The following CLDN16 variants were observed in gnomAD, a reference collection of about 807,000 sequenced individuals.
The protein encoded by CLDN16 is claudin 16.
CLDN16 carries 13 observed loss-of-function variants against 24.6 expected under a neutral mutation model. The ratio of observed to expected loss-of-function variants is 0.53; its 90% CI spans 0.34 to 0.84. The LOEUF (loss-of-function observed/expected upper bound fraction) is 0.84, where lower values mean the gene tolerates loss of function less well. Among genes scored for constraint, CLDN16 ranks in the 40% least tolerant of loss-of-function variants. The pLI, the probability that CLDN16 is intolerant of heterozygous loss-of-function variation, is 0.01. For missense variants in CLDN16, 298 were observed against 292.7 expected (o/e 1.02, Z -0.13); for synonymous variants, 116 against 106.7 (o/e 1.09, Z -0.54).
At chr3:190,375,577 G>A (rs764438326) in intron 3 of CLDN16, among the ~76,000 whole-genome samples, 6 of 151,936 alleles carry the variant, frequency 3.9e-5, no homozygotes, top group Non-Finnish European at 8.8e-5. Flanking sequence ...AAAACAGGTT[G>A]TTATGGTACT....
chr3:190,410,052 G>C lies in CLDN16; in HGVS notation c.*16G>C. 3.1e-6 allele frequency: 5 copies of C among 1,613,928 alleles called. No individual in the cohort carries two copies. The highest frequency in any genetic ancestry group is 4.2e-6 in the Non-Finnish European group (5 of 1,179,916). ...AAGGGTGTAAAATGCACGTTTCAGG[G>C]TGTGTTTGCATATGATTTAATCAAT... On this transcript the variant is annotated 3_prime_UTR_variant, in exon 5 of 5. Coordinates refer to ENST00000264734, the MANE Select transcript of CLDN16 (RefSeq NM_006580.4).
chr3:190,380,240 C>CCCTTCCTT (rs1553806970), intron 3 of CLDN16, among the ~76,000 whole-genome samples: 1,084 of 47,890 alleles, frequency 0.023, 320 homozygotes, highest in African/African-American at 0.095. Flanking sequence ...TTCCTTCCCT[C>CCCTTCCTT]CCTTCCTTCC....
At chr3:190,399,024 A>G (rs1468733125) in intron 1 of CLDN16, among the ~76,000 whole-genome samples, 1 of 152,166 alleles carries the variant, frequency 6.6e-6, no homozygotes, top group African/African-American at 2.4e-5. Context: ...ACAGGATGAG[A>G]TAATCCTCCA....
At chr3:190,380,669 G>T (rs1263672640) in intron 3 of CLDN16, among the ~76,000 whole-genome samples, 1 of 151,978 alleles carries the variant, frequency 6.6e-6, no homozygotes, top group African/African-American at 2.4e-5. Context: ...AATTTATTAT[G>T]CATCTAACAA....
chr3:190,385,430 A>C (rs1269426878), upstream of CLDN16, among the ~76,000 whole-genome samples: 1 of 152,198 alleles, frequency 6.6e-6, no homozygotes, highest in Non-Finnish European at 1.5e-5. Context: ...TTCACATGCA[A>C]GCCTGAATGT....
At chr3:190,385,231 T>C (rs764026743), upstream of CLDN16, among the ~76,000 whole-genome samples, 3 of 152,172 alleles carry the variant, frequency 2.0e-5, no homozygotes, top group Non-Finnish European at 4.4e-5. Flanking sequence ...AGGGTCAGAA[T>C]GCAAAAGAGA....
chr3:190,339,586 A>T (rs996677244), intron 1 of CLDN16, among the ~76,000 whole-genome samples: 4 of 152,224 alleles, frequency 2.6e-5, no homozygotes, highest in African/African-American at 4.8e-5. Flanking sequence ...TTTAATGATC[A>T]TTGGAAATAG....
At chr3:190,329,619 C>T (rs1015615329) in intron 1 of CLDN16, among the ~76,000 whole-genome samples, 1 of 152,060 alleles carries the variant, frequency 6.6e-6, no homozygotes, top group South Asian at 2.1e-4. Flanking sequence ...GACTTGGAAC[C>T]AGGAAGATTG....
At chr3:190,310,247 G>A in the CLDN16 span, 4 of 1,612,762 alleles carry the variant, frequency 2.5e-6, no homozygotes, top group Admixed American at 6.7e-5. Context: ...AACTAAAATA[G>A]CCAGACCTAT....
chr3:190,362,311 C>G (rs1299749475), intron 1 of CLDN16, among the ~76,000 whole-genome samples: 1 of 151,896 alleles, frequency 6.6e-6, no homozygotes, highest in Non-Finnish European at 1.5e-5. Flanking sequence ...TTCCATCGAA[C>G]AGCTGACACC....
rs139927842 is a variant in CLDN16, at chr3:190,343,390, A to G, written n.121+20729A>G. Among the ~76,000 whole-genome samples the G allele has an allele frequency of 4.9e-3, 740 of 152,294 alleles. 5 individuals are homozygous for G. The highest frequency in any genetic ancestry group is 4.9e-3 in the Non-Finnish European group (333 of 67,974). On this transcript the variant is annotated intron_variant and non_coding_transcript_variant, in intron 1 of 4. Transcript: ENST00000468220. ...ATTGGTACAGCCATAAAAAAAGTAT[A>G]GAAGTTCCTAAAGAAATTAAAAATA...
intron 1 of CLDN16, among the ~76,000 whole-genome samples, chr3:190,401,511 A>C (rs1041949942): frequency 1.3e-5 from 2 of 152,220 alleles, no homozygotes; most frequent in African/African-American, 4.8e-5. Flanking sequence ...TATCAAGAAC[A>C]CCTGAAACTA....
At chr3:190,348,087 CAAAAA>C (rs777398020) in intron 1 of CLDN16, among the ~76,000 whole-genome samples, 6,418 of 97,412 alleles carry the variant, frequency 0.066, 183 homozygotes, top group Non-Finnish European at 0.085. Flanking sequence ...ACTGAAAATA[CAAAAA>C]AAAAAAAAAA....
At chr3:190,318,745 G>A (rs1224506082), upstream of CLDN16, among the ~76,000 whole-genome samples, 2 of 152,190 alleles carry the variant, frequency 1.3e-5, no homozygotes, top group Non-Finnish European at 2.9e-5. Flanking sequence ...CGGTTCAGCA[G>A]GCACAACGCA....
intron 1 of CLDN16, 38 bp from the exon 2 acceptor site, chr3:190,402,299 C>A: frequency 6.8e-7 from 1 of 1,468,152 alleles, no homozygotes. Flanking sequence ...ACTGTGCCTG[C>A]ATGAATTGTT....
At chr3:190,332,530 C>G (rs1717204223) in intron 1 of CLDN16, among the ~76,000 whole-genome samples, 1 of 152,104 alleles carries the variant, frequency 6.6e-6, no homozygotes, top group Admixed American at 6.6e-5. Flanking sequence ...ACTTACTCAC[C>G]TGTGCAATTT....
At chr3:190,325,121 T>C (rs1391857433) in intron 1 of CLDN16, among the ~76,000 whole-genome samples, 1 of 152,228 alleles carries the variant, frequency 6.6e-6, no homozygotes, top group Admixed American at 6.5e-5. Flanking sequence ...TGTTGCTGTA[T>C]ATTTTCATCA....
At chr3:190,291,252 G>A in the CLDN16 span, among the ~76,000 whole-genome samples, 9 of 152,160 alleles carry the variant, frequency 5.9e-5, no homozygotes, top group Non-Finnish European at 1.2e-4. Flanking sequence ...AAAAGGCCAT[G>A]TATTAGTCTG....
chr3:190,327,603 C>T (rs1717095562), intron 1 of CLDN16, among the ~76,000 whole-genome samples: 1 of 152,234 alleles, frequency 6.6e-6, no homozygotes, highest in Non-Finnish European at 1.5e-5. Context: ...CCTCCAAACT[C>T]AGTTGTTCTG....
Sources: gnomAD v4.1 joint callset for allele counts (sites outside exome capture counted in the v4.1 genomes callset) on GRCh38, gnomAD v4.1.1 for gene constraint, MANE v1.5 for transcripts, NCBI Gene and HGNC (gene_info 2026-07-23, HGNC 2026-07-21) for gene names.